Variants in SNAP47 observed in about 807,000 individuals in gnomAD.
SNAP47 encodes the protein synaptosomal-associated protein 47.
SNAP47 carries 20 observed loss-of-function variants against 31.4 expected under a neutral mutation model. The observed-to-expected ratio is 0.64, with a 90% CI of 0.45 to 0.93. The LOEUF (loss-of-function observed/expected upper bound fraction) is 0.93, where lower values mean the gene tolerates loss of function less well. SNAP47 is among the 40% of genes least tolerant of loss of function. SNAP47 has a pLI of 0.00. For missense variants in SNAP47, 492 were observed against 528.5 expected, an observed-to-expected ratio of 0.93 and a Z score of 0.68; for synonymous variants, 194 against 213.4, an observed-to-expected ratio of 0.91 and a Z score of 0.79.
At chr1:227,731,489 G>A (rs3088389), upstream of SNAP47, 41,774 of 152,120 alleles carry the variant, frequency 0.27, 6,213 homozygotes, top group African/African-American at 0.39. Context: ...AGGGCTGGGA[G>A]AGTGCCAGTC....
At position 227,759,143 on chromosome 1, in the gene SNAP47, G is replaced by A. The variant is rs200443585; in HGVS notation, c.646G>A (p.Val216Ile). Residue 216 changes from valine (V) to isoleucine (I), a missense_variant, in exon 3 of 5, where the codon GTT becomes ATT. Val to Ile is a conservative substitution (Grantham distance 29). Transcript: ENST00000617596. Reference sequence around the variant, plus strand: ...AGGGATACTGATAAAAATTCCTGCTGTTATTTCCCACAGAACAGAGTCTCA... The same window carrying A: ...AGGGATACTGATAAAAATTCCTGCTATTATTTCCCACAGAACAGAGTCTCA... The part of the protein sequence containing the change: ...KEGILIKIPA[V>I]ISHRTESHVK... 15 of 1,614,162 alleles carry A rather than the reference G, an allele frequency of 9.3e-6. No individual in the cohort carries two copies. Among genetic ancestry groups the A allele is most frequent in the Middle Eastern group, 1.6e-4 (1 of 6,062 alleles).
Position 227,780,903 on chromosome 1 carries a change from CG to C in SNAP47, c.*232del, listed in dbSNP as rs1223141435. On this transcript the variant is annotated 3_prime_UTR_variant, in exon 5 of 5. Transcript: ENST00000617596. Reference sequence around the variant, plus strand: ...GGGCAGGACCCGGCCACATGTTCTGCGGATGCTGCAGAAGTGTGGACCATGG... The same window carrying C: ...GGGCAGGACCCGGCCACATGTTCTGCGATGCTGCAGAAGTGTGGACCATGG... 2 of 588,414 alleles carry C rather than the reference CG, an allele frequency of 3.4e-6. No individual in the cohort carries two copies. The highest frequency in any genetic ancestry group is 3.7e-5 in the African/African-American group (2 of 53,496). 36.4% of individuals were successfully genotyped at this position (588,414 alleles called of 1,614,324 possible).
intron 4 of SNAP47, chr1:227,777,099 A>C (rs1451610811): frequency 1.1e-6 from 1 of 911,854 alleles, no homozygotes; most frequent in African/African-American, 2.2e-5. Context: ...CATGAATTTG[A>C]TGTCTTTTTT....
At chr1:227,770,898 G>A (rs1430988709) in intron 4 of SNAP47, among the ~76,000 whole-genome samples, 1 of 152,244 alleles carries the variant, frequency 6.6e-6, no homozygotes, top group East Asian at 1.9e-4. Flanking sequence ...TGGACACCAT[G>A]CTCTGTCCTG....
intron 4 of SNAP47, 110 bp downstream of exon 4, chr1:227,767,193 G>A: frequency 6.8e-7 from 1 of 1,475,974 alleles, no homozygotes; most frequent in Non-Finnish European, 9.1e-7. Context: ...CATCCGTATT[G>A]GCCTCGCACC....
chr1:227,759,081 A>G lies in SNAP47; in HGVS notation c.584A>G (p.Asp195Gly). The change falls in exon 3 of 5, where the codon GAT (aspartate) becomes GGT (glycine). Residue 195 changes from aspartate to glycine, a missense_variant. By Grantham distance (94) the Asp-to-Gly change is moderately conservative. Coordinates refer to ENST00000617596, the MANE Select transcript of SNAP47 (RefSeq NM_053052.4). ...KTPPETKPRE[D>G]VSMTSCEPFG... The stretch of plus-strand genomic sequence containing the variant: ...CCACCGGAAACAAAGCCCAGGGAAG[A>G]TGTCTCCATGACCAGTTGTGAACCC... The G allele has an allele frequency of 6.2e-7, 1 of 1,614,178 alleles. No homozygotes were observed. The highest frequency in any genetic ancestry group is 8.5e-7 in the Non-Finnish European group (1 of 1,180,040).
At position 227,759,287 on chromosome 1, in the gene SNAP47, T is replaced by C. The variant is rs1203420118; in HGVS notation, c.790T>C (p.Tyr264His). ...DVDDIKVHSP[Y>H]EISIRQRFIG... ...GGACGACATCAAGGTCCACTCACCT[T>C]ACGAAATTAGCATCCGCCAGCGGTT... Residue 264 changes from tyrosine to histidine, a missense_variant, in exon 3 of 5, where the codon TAC becomes CAC. Transcript: ENST00000617596. 3.7e-6 allele frequency: 6 copies of C among 1,614,102 alleles called. No individual in the cohort carries two copies. Among genetic ancestry groups the C allele is most frequent in the Non-Finnish European group, 5.1e-6 (6 of 1,180,060 alleles).
Position 227,735,701 on chromosome 1 carries a change from G to A in SNAP47, c.-46+202G>A, listed in dbSNP as rs900714484. On this transcript the variant is annotated intron_variant, in intron 1 of 4. Transcript: ENST00000617596. ...GGCGGGAGTGCGGCGGTGCGGGGGCGCCCAGGGATGATGGGACCCGGAGAG... is the reference window on the plus strand; with the variant it reads ...GGCGGGAGTGCGGCGGTGCGGGGGCACCCAGGGATGATGGGACCCGGAGAG... 2.7e-5 allele frequency: 27 copies of A among 984,492 alleles called. No individual in the cohort carries two copies. The African/African-American group carries it at 4.4e-4, about 16-fold the overall frequency. 61.0% of individuals were successfully genotyped at this position (984,492 alleles called of 1,614,324 possible). A position where few individuals can be genotyped will look rare whatever the true frequency, so the allele number is the denominator to read the frequency against.
intron 1 of SNAP47, chr1:227,746,397 C>G (rs755420681): frequency 6.6e-6 from 1 of 152,256 alleles, no homozygotes; most frequent in Non-Finnish European, 1.5e-5. Flanking sequence ...ACATATTGTG[C>G]GTTCTCAGAT....
At chr1:227,734,897 G>A (rs1660969110), upstream of SNAP47, 2 of 1,571,066 alleles carry the variant, frequency 1.3e-6, no homozygotes, top group African/African-American at 1.4e-5. Flanking sequence ...CTCTCCAGGG[G>A]CCACGCGCCT....
Position 227,767,000 on chromosome 1 carries a change from G to T in SNAP47, c.1030G>T (p.Ala344Ser). 1 of 1,613,982 alleles carries T rather than the reference G, an allele frequency of 6.2e-7. No individual in the cohort carries two copies. The highest frequency in any genetic ancestry group is 1.1e-5 in the South Asian group (1 of 91,084). Residue 344 changes from alanine to serine, a missense_variant, in exon 4 of 5, where the codon GCA becomes TCA. Transcript: ENST00000617596. Reference protein sequence around the residue: ...MGRTLHREPPAGDQEGTALHL... With the variant: ...MGRTLHREPPSGDQEGTALHL... Reference sequence around the variant, plus strand: ...CCGTACCCTGCACCGTGAGCCACCCGCAGGAGACCAGGAGGGCACAGCACT... The same window carrying T: ...CCGTACCCTGCACCGTGAGCCACCCTCAGGAGACCAGGAGGGCACAGCACT...
chr1:227,738,186 C>T (rs1378697701), intron 1 of SNAP47, among the ~76,000 whole-genome samples: 7 of 152,160 alleles, frequency 4.6e-5, no homozygotes, highest in African/African-American at 1.4e-4. Flanking sequence ...AGATTACAGG[C>T]GCGCACCACC....
chr1:227,777,197 C>A, intron 4 of SNAP47: 1 of 657,480 alleles, frequency 1.5e-6, no homozygotes, highest in Non-Finnish European at 1.9e-6. Context: ...TGTACATACT[C>A]ATGGGTTACG....
upstream of SNAP47, chr1:227,735,163 GCCCGGCTCCGAGACGAAGGCTA>G (rs751658546): frequency 3.8e-6 from 6 of 1,580,016 alleles, no homozygotes; most frequent in South Asian, 5.7e-5. Flanking sequence ...AGGAGAAGGC[GCCCGGCTCCGAGACGAAGGCTA>G]CCCGGCCCGG....
intron 2 of SNAP47, among the ~76,000 whole-genome samples, chr1:227,750,364 A>G (rs756678242): frequency 3.3e-5 from 5 of 152,254 alleles, no homozygotes; most frequent in South Asian, 2.1e-4. Context: ...GCCTGCCCAC[A>G]TTACAGGCCG....
Position 227,780,870 on chromosome 1 carries a change from C to A in SNAP47, c.*197C>A. The A allele has an allele frequency of 1.4e-6, 1 of 702,022 alleles. No individual in the cohort carries two copies. Among genetic ancestry groups the A allele is most frequent in the Admixed American group, 3.0e-5 (1 of 33,738 alleles). The allele number at this position is 702,022 out of a possible 1,614,324, so 43.5% of individuals were successfully genotyped here. A position where few individuals can be genotyped will look rare whatever the true frequency, so the allele number is the denominator to read the frequency against. ...ATGCCTGCCTCCCACTTGGCTGTCC[C>A]TGCTGCTGGGCAGGACCCGGCCACA... On this transcript the variant is annotated 3_prime_UTR_variant, in exon 5 of 5. Transcript: ENST00000617596.
Position 227,748,120 on chromosome 1 carries a change from A to G in SNAP47, c.384A>G (p.Gly128=), listed in dbSNP as rs1662097433. ...AGGAGCTGACGGGACTCATGGCTGG[A>G]TCCCAGAAACGCCTGGAGGACACGG... ...RGEELTGLMA[G]SQKRLEDTAR... is the part of the protein sequence containing the mutation. The change falls in exon 2 of 5, where the codon GGA becomes GGG. Residue 128 remains glycine, a synonymous_variant. Coordinates refer to ENST00000617596, the MANE Select transcript of SNAP47 (RefSeq NM_053052.4). 6.2e-7 allele frequency: 1 copy of G among 1,613,856 alleles called. No homozygotes were observed. The highest frequency in any genetic ancestry group is 8.5e-7 in the Non-Finnish European group (1 of 1,180,014).
intron 3 of SNAP47, among the ~76,000 whole-genome samples, chr1:227,765,241 C>T (rs1041946510): frequency 3.4e-5 from 5 of 145,538 alleles, no homozygotes; most frequent in African/African-American, 7.4e-5. Context: ...TTGGGCAGGG[C>T]GGGGTGGGGT....
In SNAP47 at chr1:227,759,477, G is replaced by A; in HGVS notation, c.980G>A (p.Trp327Ter). Residue 327 changes from tryptophan to a stop codon, truncating the protein, a stop_gained, in exon 3 of 5, where the codon TGG becomes TAG. Transcript: ENST00000617596. LOFTEE classifies it high-confidence loss of function. ...SSPAEKSCSV[W>*]HAASGLMGRT... ...CCCGCAGAGAAGAGCTGCTCAGTCT[G>A]GCATGCAGGTTAGTGACCGACAAGG... 2 of 1,613,568 alleles carry A rather than the reference G, an allele frequency of 1.2e-6. No individual in the cohort carries two copies. The highest frequency in any genetic ancestry group is 1.7e-6 in the Non-Finnish European group (2 of 1,179,624).
Sources: gnomAD v4.1 joint callset for allele counts (sites outside exome capture counted in the v4.1 genomes callset) on GRCh38, gnomAD v4.1.1 for gene constraint, MANE v1.5 for transcripts, NCBI Gene and HGNC (gene_info 2026-07-23, HGNC 2026-07-21) for gene names.